FYCO1: variants seen among roughly 807,000 people sequenced by gnomAD.
FYCO1 encodes the protein FYVE and coiled-coil domain autophagy adaptor 1.
Under a neutral mutation model 165.1 loss-of-function variants are expected in FYCO1, and 122 were observed. That is an observed-to-expected ratio of 0.74 (90% CI 0.64 to 0.86). The LOEUF is 0.86. Ranked by LOEUF, FYCO1 falls within the 40% of genes least tolerant of loss-of-function variation. The pLI is 0.00. For synonymous variants in FYCO1, 648 were observed against 742.5 expected (o/e 0.87, Z 2.07); for missense variants, 1,702 against 1,810.3 (o/e 0.94, Z 1.09).
Position 45,918,297 on chromosome 3 carries a change from T to G in FYCO1, c.*3468A>C, listed in dbSNP as rs954718526. On this transcript the variant is annotated 3_prime_UTR_variant, in exon 18 of 18. Coordinates refer to ENST00000296137, the MANE Select transcript of FYCO1 (RefSeq NM_024513.4). ...AAATTTCAAGATGTACTTTATTATTTTAAAAGTGCTTAAGAGGAAAGAGAG... is the reference window on the plus strand; with the variant it reads ...AAATTTCAAGATGTACTTTATTATTGTAAAAGTGCTTAAGAGGAAAGAGAG... The G allele has an allele frequency of 2.6e-5, 4 of 152,286 alleles. No individual in the cohort carries two copies. In the South Asian group the frequency reaches 8.3e-4, roughly 32 times the overall value. 9.4% of individuals were successfully genotyped at this position (152,286 alleles called of 1,614,324 possible). A position where few individuals can be genotyped will look rare whatever the true frequency, so the allele number is the denominator to read the frequency against.
intron 14 of FYCO1, among the ~76,000 whole-genome samples, chr3:45,940,087 A>AATT (rs1397639823): frequency 4.6e-5 from 7 of 152,286 alleles, no homozygotes; most frequent in Non-Finnish European, 8.8e-5. Context: ...TTTGCTATCA[A>AATT]ATTATTATTA....
In FYCO1 at chr3:45,968,653, C is replaced by T; in HGVS notation, c.681G>A (p.Glu227=). 6.2e-7 allele frequency: 1 copy of T among 1,614,200 alleles called. No homozygotes were observed. Among genetic ancestry groups the T allele is most frequent in the Non-Finnish European group, 8.5e-7 (1 of 1,180,040 alleles). The change falls in exon 8 of 18, where the codon GAG becomes GAA. Residue 227 remains glutamate (E), a synonymous_variant. Coordinates refer to ENST00000296137, the MANE Select transcript of FYCO1 (RefSeq NM_024513.4). The part of the protein sequence containing the change: ...NFDLNSPLNN[E]ALEGFDEMRL... ...GCATCTCATCAAAGCCCTCCAATGC[C>T]TCGTTGTTTAGGGGGCTGTTCAGGT...
In FYCO1 at chr3:45,966,313, C is replaced by T. The variant is rs772313400; in HGVS notation, c.3021G>A (p.Leu1007=). The T allele has an allele frequency of 8.1e-6, 13 of 1,614,080 alleles. No homozygotes were observed. The Admixed American group carries it at 1.8e-4, about 23-fold the overall frequency. The change falls in exon 8 of 18, where the codon CTG becomes CTA. Residue 1007 remains leucine (L), a synonymous_variant. Coordinates refer to ENST00000296137, the MANE Select transcript of FYCO1 (RefSeq NM_024513.4). Reference sequence around the variant, plus strand: ...TCTGGTAGTCCATGATTTCAGCACTCAGCTGGAACTTGAGGGTGTTGAGCT... The same window carrying T: ...TCTGGTAGTCCATGATTTCAGCACTTAGCTGGAACTTGAGGGTGTTGAGCT... ...HQELNTLKFQ[L]SAEIMDYQSR...
chr3:45,981,455 G>A (rs937919231), intron 3 of FYCO1, 115 bp downstream of exon 3: 30 of 729,900 alleles, frequency 4.1e-5, no homozygotes, highest in Non-Finnish European at 6.4e-5. Context: ...ATCTAACCAC[G>A]AGGGCTTACT....
intron 4 of FYCO1, among the ~76,000 whole-genome samples, chr3:45,977,478 A>C (rs1706833442): frequency 6.8e-6 from 1 of 148,110 alleles, no homozygotes; most frequent in Non-Finnish European, 1.5e-5. Context: ...CTGCAAATCA[A>C]AATGCTGCAT....
Position 45,918,473 on chromosome 3 carries a change from G to T in FYCO1, c.*3292C>A, listed in dbSNP as rs373871357. ...GGTCTTTGTGTACATGACCATCCTT[G>T]GTTCTAAGCATCACGAATGGCTTCT... is the stretch of plus-strand genomic sequence containing the variant. On this transcript the variant is annotated 3_prime_UTR_variant, in exon 18 of 18. Transcript: ENST00000296137. The T allele has an allele frequency of 1.2e-4, 18 of 151,074 alleles. No individual in the cohort carries two copies. The East Asian group carries it at 2.9e-3, about 24-fold the overall frequency. The allele number at this position is 151,074 out of a possible 1,614,324, so 9.4% of individuals were successfully genotyped here. A position where few individuals can be genotyped will look rare whatever the true frequency, so the allele number is the denominator to read the frequency against.
chr3:45,938,862 C>T lies in FYCO1; in HGVS notation c.3945-2319G>A, dbSNP rs567940292. 4.6e-4 allele frequency among the ~76,000 whole-genome samples: 70 copies of T among 152,306 alleles called. No homozygotes were observed. In the South Asian group the frequency reaches 0.014, roughly 31 times the overall value. The stretch of plus-strand genomic sequence containing the variant: ...GTAGCCGTGCAAAATGTATTTCTTA[C>T]CATGAGATGTTGTAGGAAATGTTCA... On this transcript the variant is annotated intron_variant, in intron 14 of 17. Transcript: ENST00000296137.
intron 3 of FYCO1, among the ~76,000 whole-genome samples, chr3:45,980,355 A>ATT (rs1706985256): frequency 1.1e-4 from 2 of 18,534 alleles, no homozygotes; most frequent in South Asian, 0.025. Flanking sequence ...GTCTCAAAGA[A>ATT]AAAAAAAAAA....
chr3:45,942,327 A>G (rs1050335956), intron 14 of FYCO1, among the ~76,000 whole-genome samples: 2 of 152,224 alleles, frequency 1.3e-5, no homozygotes, highest in Admixed American at 1.3e-4. Flanking sequence ...GGCTGTACAT[A>G]GAAGCATCCA....
chr3:45,993,904 A>C lies in FYCO1; in HGVS notation c.-113+1818T>G, dbSNP rs1020392548. 7.3e-6 allele frequency among the ~76,000 whole-genome samples: 1 copy of C among 136,958 alleles called. No individual in the cohort carries two copies. The highest frequency in any genetic ancestry group is 7.1e-5 in the Admixed American group (1 of 14,048). 89.8% of individuals were successfully genotyped at this position (136,958 alleles called of 152,430 possible). On this transcript the variant is annotated intron_variant, in intron 1 of 17. Transcript: ENST00000296137. The surrounding 1 kb of genome is among the most constrained non-coding windows in gnomAD (Gnocchi z 4.4). ...CCTATCAGCTAAACATCTCCCCTAA[A>C]GGGAAGCAGGGTGGGTGGGGGTGAG...
intron 4 of FYCO1, among the ~76,000 whole-genome samples, chr3:45,977,653 A>G (rs1706841747): frequency 6.6e-6 from 1 of 152,008 alleles, no homozygotes; most frequent in African/African-American, 2.4e-5. Context: ...GCTTTAAACC[A>G]GGTCATTGTG....
At position 45,983,449 on chromosome 3, in the gene FYCO1, G is replaced by A. The variant is rs116368294; in HGVS notation, c.55+1407C>T. 2.2e-3 allele frequency among the ~76,000 whole-genome samples: 335 copies of A among 152,340 alleles called. 2 individuals carry two copies. The highest frequency in any genetic ancestry group is 3.8e-3 in the Non-Finnish European group (256 of 68,026). On this transcript the variant is annotated intron_variant, in intron 2 of 17. Transcript: ENST00000296137. ...ACCTTTCAAGAATTCCCACCAAAGTGCTCTGTGGCCTATGTAAAGGACATT... is the reference window on the plus strand; with the variant it reads ...ACCTTTCAAGAATTCCCACCAAAGTACTCTGTGGCCTATGTAAAGGACATT...
intron 1 of FYCO1, among the ~76,000 whole-genome samples, chr3:45,987,723 T>C (rs1707375042): frequency 6.6e-6 from 1 of 152,170 alleles, no homozygotes. Flanking sequence ...TCTGACCATG[T>C]CTGTGGAGAG....
chr3:45,965,062 C>A lies in FYCO1; in HGVS notation c.3121G>T (p.Ala1041Ser). Reference sequence around the variant, plus strand: ...AGCTTCTCCACAGCTTCCTCAGCAGCCTGCAGCTGCCGGCCTTGCTCCTCA... The same window carrying A: ...AGCTTCTCCACAGCTTCCTCAGCAGACTGCAGCTGCCGGCCTTGCTCCTCA... ...QLEEQGRQLQAAEEAVEKLKA... is the reference protein window; with the variant it reads ...QLEEQGRQLQSAEEAVEKLKA... Residue 1041 changes from alanine to serine, a missense_variant, in exon 9 of 18, where the codon GCT becomes TCT. Transcript: ENST00000296137. 6.2e-7 allele frequency: 1 copy of A among 1,614,168 alleles called. No individual in the cohort carries two copies. Among genetic ancestry groups the A allele is most frequent in the Non-Finnish European group, 8.5e-7 (1 of 1,180,018 alleles).
chr3:45,989,083 G>A (rs552390385), intron 1 of FYCO1, among the ~76,000 whole-genome samples: 9 of 152,320 alleles, frequency 5.9e-5, no homozygotes, highest in African/African-American at 2.2e-4. Context: ...ATCATCAGGG[G>A]AGGAGGAGGT....
At chr3:45,942,164 C>G (rs1175859509) in intron 14 of FYCO1, among the ~76,000 whole-genome samples, 1 of 152,194 alleles carries the variant, frequency 6.6e-6, no homozygotes, top group Non-Finnish European at 1.5e-5. Context: ...TTATCAGGGC[C>G]CCCTGGCACA....
rs556539498 is a variant in FYCO1 at position 45,984,940 on chromosome 3, T to C, written c.-30A>G. The C allele has an allele frequency of 6.8e-6, 11 of 1,613,092 alleles. No individual in the cohort carries two copies. In the South Asian group the frequency reaches 1.1e-4, roughly 16 times the overall value. The stretch of plus-strand genomic sequence containing the variant: ...AGTTTGCCTTTCTTGTCTGTATGTC[T>C]CCTGCCTGGGTCCAGAGGAAGGCTC... On this transcript the variant is annotated 5_prime_UTR_variant, in exon 2 of 18. Coordinates refer to ENST00000296137, the MANE Select transcript of FYCO1 (RefSeq NM_024513.4).
At chr3:45,938,816 G>C (rs1255952963) in intron 14 of FYCO1, among the ~76,000 whole-genome samples, 1 of 152,236 alleles carries the variant, frequency 6.6e-6, no homozygotes, top group Non-Finnish European at 1.5e-5. Flanking sequence ...TTGACCATAT[G>C]TATACACACA....
chr3:45,936,106 A>C (rs1476462622), intron 15 of FYCO1, among the ~76,000 whole-genome samples: 1 of 152,224 alleles, frequency 6.6e-6, no homozygotes, highest in Non-Finnish European at 1.5e-5. Context: ...TTTTACAATG[A>C]AAGTGTACTG....
Sources: allele counts gnomAD v4.1 joint callset (sites outside exome capture counted in the v4.1 genomes callset), GRCh38; gene constraint gnomAD v4.1.1; non-coding constraint Gnocchi (gnomAD v3.1); transcripts MANE v1.5; gene names NCBI Gene and HGNC (gene_info 2026-07-23, HGNC 2026-07-21).